The following PHEX variants were observed in gnomAD, a reference collection of about 807,000 sequenced individuals.
PHEX encodes the protein phosphate-regulating neutral endopeptidase PHEX.
PHEX carries 16 observed loss-of-function variants against 68.0 expected under a neutral mutation model. The ratio of observed to expected loss-of-function variants is 0.24; its 90% confidence interval spans 0.16 to 0.36. PHEX has a LOEUF of 0.36. Among genes scored for constraint, PHEX ranks in the 10% least tolerant of loss-of-function variants. The pLI, the probability that PHEX is intolerant of heterozygous loss-of-function variation, is 1.00. For synonymous variants in PHEX, 208 were observed against 205.1 expected (o/e 1.01, Z -0.12); for missense variants, 480 against 575.5 (o/e 0.83, Z 1.70).
At chrX:22,157,311 G>T (rs1353929612) in intron 12 of PHEX, among the ~76,000 whole-genome samples, 1 of 112,143 alleles carries the variant, frequency 8.9e-6, no homozygotes, top group African/African-American at 3.2e-5. Context: ...GGACAACACG[G>T]TGAAACCCTG....
intron 12 of PHEX, among the ~76,000 whole-genome samples, chrX:22,166,357 C>T (rs1484515570): frequency 2.7e-5 from 3 of 111,087 alleles, no homozygotes; most frequent in Non-Finnish European, 3.8e-5. Context: ...GTGATCTGAC[C>T]CCAGGCCAAT....
At chrX:22,165,788 C>T (rs1933293923) in intron 12 of PHEX, among the ~76,000 whole-genome samples, 1 of 111,927 alleles carries the variant, frequency 8.9e-6, no homozygotes, top group Non-Finnish European at 1.9e-5. Flanking sequence ...GAAATTTTCA[C>T]ATGGAACTGT....
chrX:22,217,241 T>C (rs1935124496), intron 16 of PHEX, among the ~76,000 whole-genome samples: 1 of 112,364 alleles, frequency 8.9e-6, no homozygotes, highest in Non-Finnish European at 1.9e-5. Context: ...TATGTAAAAT[T>C]ACAAATTTGT....
In PHEX at chrX:22,249,215, G is replaced by GTGTGTGTGTGTGTGTGTT. The variant is rs1424617011; in HGVS notation, c.*1279_*1280insTTGTGTGTGTGTGTGTGT. Reference sequence around the variant, plus strand: ...TCCTTTCTTATTACTGAGCGTGTGTGTGTGTGTGTGTGTGTGTGTGTGTGT... The same window carrying GTGTGTGTGTGTGTGTGTT: ...TCCTTTCTTATTACTGAGCGTGTGTGTGTGTGTGTGTGTGTGTTTGTGTGTGTGTGTGTGTGTGTGTGT... On this transcript the variant is annotated 3_prime_UTR_variant, in exon 22 of 22. Transcript: ENST00000379374. 1 of 93,606 alleles carries GTGTGTGTGTGTGTGTGTT rather than the reference G, an allele frequency of 1.1e-5. No homozygotes were observed. The highest frequency in any genetic ancestry group is 4.0e-5 in the African/African-American group (1 of 25,097). 7.7% of individuals were successfully genotyped at this position (93,606 alleles called of 1,213,427 possible). A position where few individuals can be genotyped will look rare whatever the true frequency, so the allele number is the denominator to read the frequency against.
In PHEX at chrX:22,251,298, T is replaced by A. The variant is rs1936558119; in HGVS notation, c.*3345T>A. Reference sequence around the variant, plus strand: ...CAAGCATTTTAAGGACAATAAAAAGTTAGCTGGTTGAAGGCTTTCTGTGTC... The same window carrying A: ...CAAGCATTTTAAGGACAATAAAAAGATAGCTGGTTGAAGGCTTTCTGTGTC... On this transcript the variant is annotated 3_prime_UTR_variant, in exon 22 of 22. Transcript: ENST00000379374. 1 of 112,700 alleles carries A rather than the reference T, an allele frequency of 8.9e-6. No individual in the cohort carries two copies. The highest frequency in any genetic ancestry group is 3.2e-5 in the African/African-American group (1 of 31,071). The allele number at this position is 112,700 out of a possible 1,213,427, so 9.3% of individuals were successfully genotyped here.
In PHEX at chrX:22,249,880, T is replaced by C. The variant is rs1936522528; in HGVS notation, c.*1927T>C. The C allele has an allele frequency of 9.0e-6, 1 of 111,345 alleles. No individual in the cohort carries two copies. Among genetic ancestry groups the C allele is most frequent in the African/African-American group, 3.3e-5 (1 of 30,526 alleles). The allele number at this position is 111,345 out of a possible 1,213,427, so 9.2% of individuals were successfully genotyped here. ...GTGTTTCCCTTCTAGATTTCCTTTA[T>C]AAACTCCAAATAAACACATTCCTGC... On this transcript the variant is annotated 3_prime_UTR_variant, in exon 22 of 22. Coordinates refer to ENST00000379374, the MANE Select transcript of PHEX (RefSeq NM_000444.6).
intron 3 of PHEX, among the ~76,000 whole-genome samples, chrX:22,073,927 C>T (rs1013206016): frequency 1.3e-4 from 14 of 110,743 alleles, no homozygotes; most frequent in Admixed American, 3.9e-4. Flanking sequence ...CATGAGCCAC[C>T]GCGCCTGGCC....
At chrX:22,146,944 T>C (rs1488173006) in intron 12 of PHEX, among the ~76,000 whole-genome samples, 1 of 112,068 alleles carries the variant, frequency 8.9e-6, no homozygotes. Context: ...AAACATGTAC[T>C]GTAAAAGTGT....
chrX:22,238,422 C>T (rs994193384), intron 20 of PHEX, among the ~76,000 whole-genome samples: 3 of 111,666 alleles, frequency 2.7e-5, no homozygotes, highest in African/African-American at 9.8e-5. Flanking sequence ...TGCGCATTTC[C>T]CACAGTCTTC....
intron 15 of PHEX, among the ~76,000 whole-genome samples, chrX:22,205,922 C>A (rs1486966862): frequency 8.9e-6 from 1 of 111,977 alleles, no homozygotes; most frequent in Non-Finnish European, 1.9e-5. Context: ...TTTCTCTTTC[C>A]AGCATATATC....
In PHEX at chrX:22,227,382, T is replaced by C. The variant is rs905238942; in HGVS notation, c.1966-125T>C. On this transcript the variant is annotated intron_variant, in intron 19 of 21. Transcript: ENST00000379374. Reference sequence around the variant, plus strand: ...CAACAGGACATGGACTTGTGTTTCTTAAGAAAATTTTGACATGATGCATTT... The same window carrying C: ...CAACAGGACATGGACTTGTGTTTCTCAAGAAAATTTTGACATGATGCATTT... The C allele has an allele frequency of 5.7e-6, 3 of 530,098 alleles. No individual in the cohort carries two copies. The African/African-American group carries it at 6.9e-5, about 12-fold the overall frequency. 43.7% of individuals were successfully genotyped at this position (530,098 alleles called of 1,213,427 possible). A position where few individuals can be genotyped will look rare whatever the true frequency, so the allele number is the denominator to read the frequency against.
intron 5 of PHEX, among the ~76,000 whole-genome samples, chrX:22,078,579 C>T (rs1486155220): frequency 8.9e-6 from 1 of 111,891 alleles, no homozygotes; most frequent in Non-Finnish European, 1.9e-5. Context: ...GCATTTTAAC[C>T]TTCTAAAATC....
intron 12 of PHEX, chrX:22,163,097 C>T (rs1298258115): frequency 1.8e-5 from 2 of 111,830 alleles, no homozygotes; most frequent in Non-Finnish European, 3.8e-5. Context: ...TGCTAAACAT[C>T]CTACAATTTA....
rs763482711 is a variant in PHEX, at chrX:22,043,586, A to G, written c.188-3464A>G. Among the ~76,000 whole-genome samples the G allele has an allele frequency of 2.7e-5, 3 of 111,868 alleles. No homozygotes were observed. In the East Asian group the frequency reaches 8.3e-4, roughly 31 times the overall value. On this transcript the variant is annotated intron_variant, in intron 2 of 21. Transcript: ENST00000379374. Reference sequence around the variant, plus strand: ...TGACTAGAGTTTGTGACGATACCATATTGCTAAAAAAGGGCTTAGCGTAGG... The same window carrying G: ...TGACTAGAGTTTGTGACGATACCATGTTGCTAAAAAAGGGCTTAGCGTAGG...
At chrX:22,129,453 TC>T (rs1479784503) in intron 11 of PHEX, among the ~76,000 whole-genome samples, 1 of 111,346 alleles carries the variant, frequency 9.0e-6, no homozygotes, top group Non-Finnish European at 1.9e-5. Flanking sequence ...TAGATAAACC[TC>T]CCTTTAAGCA....
chrX:22,211,694 A>T (rs775749944), intron 15 of PHEX, among the ~76,000 whole-genome samples: 27 of 112,519 alleles, frequency 2.4e-4, no homozygotes, highest in African/African-American at 6.8e-4. Context: ...GTTATTGTAT[A>T]AGTCTGTTCT....
chrX:22,232,647 A>T (rs1195855672), intron 20 of PHEX, among the ~76,000 whole-genome samples: 3 of 52,630 alleles, frequency 5.7e-5, no homozygotes, highest in African/African-American at 1.6e-4. Flanking sequence ...TGCTTGGTAA[A>T]TATTCCTCCA....
At chrX:22,081,069 G>C (rs1031207453) in intron 5 of PHEX, among the ~76,000 whole-genome samples, 2 of 111,180 alleles carry the variant, frequency 1.8e-5, no homozygotes, top group African/African-American at 6.5e-5. Context: ...CTCAAACTCA[G>C]TAGTGCAAGG....
chrX:22,145,703 A>G (rs1263788988), intron 12 of PHEX, among the ~76,000 whole-genome samples: 3 of 111,204 alleles, frequency 2.7e-5, no homozygotes, highest in Non-Finnish European at 5.7e-5. Flanking sequence ...GGCCATTGAT[A>G]ATATTTCATT....
Sources: allele counts gnomAD v4.1 joint callset (sites outside exome capture counted in the v4.1 genomes callset), GRCh38; gene constraint gnomAD v4.1.1; transcripts MANE v1.5; gene names NCBI Gene and HGNC (gene_info 2026-07-23, HGNC 2026-07-21).